EXOC2: variants seen among roughly 807,000 people sequenced by gnomAD.
EXOC2 encodes exocyst complex component 2, also known as SEC5-like 1.
EXOC2 carries 70 observed loss-of-function variants against 131.8 expected under a neutral mutation model. That is an observed-to-expected ratio of 0.53 (90% CI 0.44 to 0.65). The LOEUF is 0.65. EXOC2 is among the 30% of genes least tolerant of loss of function. The pLI, the probability that EXOC2 is intolerant of heterozygous loss-of-function variation, is 0.00. For missense variants in EXOC2, 923 were observed against 1,108.6 expected (o/e 0.83, Z 2.38); for synonymous variants, 411 against 398.4 (o/e 1.03, Z -0.38).
At chr6:664,067 TA>T (rs1371247469) in intron 1 of EXOC2, among the ~76,000 whole-genome samples, 1 of 152,168 alleles carries the variant, frequency 6.6e-6, no homozygotes, top group African/African-American at 2.4e-5. Flanking sequence ...CTAGAACTGA[TA>T]AAAGAATTCA....
At chr6:632,906 T>C in intron 3 of EXOC2, 35 bp downstream of exon 3, 1 of 1,563,280 alleles carries the variant, frequency 6.4e-7, no homozygotes, top group Non-Finnish European at 8.7e-7. Flanking sequence ...TCATTTTTAC[T>C]TTCTTCTTTA....
intron 2 of EXOC2, 123 bp downstream of exon 2, chr6:637,578 T>C (rs990481184): frequency 8.3e-6 from 6 of 720,370 alleles, no homozygotes; most frequent in Non-Finnish European, 1.4e-5. Flanking sequence ...TTTTGGAGCA[T>C]TCTGTAGAGA....
chr6:604,707 C>T (rs1008013832), intron 7 of EXOC2, among the ~76,000 whole-genome samples: 1 of 147,846 alleles, frequency 6.8e-6, no homozygotes, highest in African/African-American at 2.6e-5. Context: ...TCTGAACTCA[C>T]GCGCTGGCCC....
chr6:495,307 A>G (rs904560161), intron 25 of EXOC2, among the ~76,000 whole-genome samples: 6 of 151,294 alleles, frequency 4.0e-5, no homozygotes, highest in Admixed American at 6.6e-5. Context: ...TTGTATTTTT[A>G]GTAGAGACGG....
chr6:509,581 G>A (rs74869703), intron 23 of EXOC2, among the ~76,000 whole-genome samples: 7,687 of 152,046 alleles, frequency 0.051, 255 homozygotes, highest in Non-Finnish European at 0.072. Context: ...ATTTTAATAC[G>A]AAAATTGAAG....
At chr6:632,843 C>G in intron 3 of EXOC2, 98 bp downstream of exon 3, 1 of 1,140,628 alleles carries the variant, frequency 8.8e-7, no homozygotes. Flanking sequence ...TTGAGATATG[C>G]AAGTAGGTAG....
chr6:533,641 G>A (rs1450602642), intron 22 of EXOC2, among the ~76,000 whole-genome samples: 2 of 152,190 alleles, frequency 1.3e-5, no homozygotes, highest in Non-Finnish European at 2.9e-5. Context: ...GGGTAAGGAG[G>A]CTGGCATCAG....
chr6:503,165 C>CTTTTTTTTTTTTTTTTTTTTTTTTTTT (rs34676213), intron 23 of EXOC2, among the ~76,000 whole-genome samples: 1 of 147,012 alleles, frequency 6.8e-6, no homozygotes. Context: ...GGAGCAAGTA[C>CTTTTTTTTTTTTTTTTTTTTTTTTTTT]TTTTTTTTTT....
intron 9 of EXOC2, 21 bp from the exon 10 acceptor site, chr6:598,144 A>G: frequency 6.4e-7 from 1 of 1,552,464 alleles, no homozygotes; most frequent in Middle Eastern, 1.7e-4. Flanking sequence ...AGAAAAGAAT[A>G]CACAAGATTT....
chr6:621,054 G>A (rs1000364069), intron 4 of EXOC2, among the ~76,000 whole-genome samples: 5 of 152,198 alleles, frequency 3.3e-5, no homozygotes, highest in African/African-American at 7.2e-5. Flanking sequence ...CAGTCTTACC[G>A]CAGACACTCC....
chr6:626,825 T>C (rs772167856), intron 4 of EXOC2, among the ~76,000 whole-genome samples: 36 of 152,094 alleles, frequency 2.4e-4, no homozygotes, highest in Admixed American at 4.6e-4. Flanking sequence ...ACTCCTGACC[T>C]CAAGTGATCC....
chr6:688,704 A>G (rs1764778400), intron 1 of EXOC2, among the ~76,000 whole-genome samples: 1 of 152,148 alleles, frequency 6.6e-6, no homozygotes. Context: ...CTTTCTGGTT[A>G]CTGTTAGCTT....
chr6:501,647 A>AT (rs1764200947), intron 23 of EXOC2, among the ~76,000 whole-genome samples: 2 of 104,946 alleles, frequency 1.9e-5, no homozygotes, highest in African/African-American at 7.2e-5. Flanking sequence ...ATCGATATAT[A>AT]TAGATAGATA....
chr6:569,907 T>C (rs1262349985), intron 13 of EXOC2, among the ~76,000 whole-genome samples: 2 of 152,236 alleles, frequency 1.3e-5, no homozygotes, highest in Non-Finnish European at 2.9e-5. Flanking sequence ...ATTTCATTTA[T>C]ATGTTTGGTA....
chr6:551,984 C>T (rs1002446209), intron 21 of EXOC2, among the ~76,000 whole-genome samples: 9 of 152,242 alleles, frequency 5.9e-5, no homozygotes, highest in South Asian at 2.1e-4. Context: ...CAGCTTCCCT[C>T]GCTTTCTCTC....
chr6:503,881 C>A (rs1254608061), intron 23 of EXOC2, among the ~76,000 whole-genome samples: 1 of 152,196 alleles, frequency 6.6e-6, no homozygotes, highest in Non-Finnish European at 1.5e-5. Context: ...CCTCCTCAGC[C>A]TGTCCCGTGG....
At chr6:653,102 G>T (rs1561974704) in intron 1 of EXOC2, among the ~76,000 whole-genome samples, 1 of 152,168 alleles carries the variant, frequency 6.6e-6, no homozygotes, top group African/African-American at 2.4e-5. Flanking sequence ...AAATGTGTGT[G>T]TGACTGTTCC....
At chr6:670,247 T>A (rs1337397409) in intron 1 of EXOC2, 2 of 152,232 alleles carry the variant, frequency 1.3e-5, no homozygotes, top group South Asian at 4.1e-4. Context: ...CAGTTCAGCA[T>A]CCACACAAGC....
intron 25 of EXOC2, among the ~76,000 whole-genome samples, chr6:493,488 G>A (rs1383786967): frequency 2.0e-5 from 3 of 152,218 alleles, no homozygotes; most frequent in African/African-American, 4.8e-5. Flanking sequence ...GTGATAGAGT[G>A]TTTTAATTAA....
Sources: gnomAD v4.1 joint callset for allele counts (sites outside exome capture counted in the v4.1 genomes callset) on GRCh38, gnomAD v4.1.1 for gene constraint, MANE v1.5 for transcripts, NCBI Gene and HGNC (gene_info 2026-07-23, HGNC 2026-07-21) for gene names.